Variants in PDPN observed in about 807,000 individuals in gnomAD.
PDPN encodes the protein podoplanin, also known as PA2.26 antigen.
PDPN carries 12 observed loss-of-function variants against 23.2 expected under a neutral mutation model. The ratio of observed to expected loss-of-function variants is 0.52; its 90% confidence interval spans 0.33 to 0.84. The LOEUF is 0.84. Among genes scored for constraint, PDPN ranks in the 40% least tolerant of loss-of-function variants. PDPN has a pLI of 0.02. For missense variants in PDPN, 199 were observed against 212.2 expected (o/e 0.94, Z 0.39); for synonymous variants, 77 against 76.7 (o/e 1.00, Z -0.02).
chr1:13,601,995 C>CA (rs1640653236), intron 1 of PDPN, among the ~76,000 whole-genome samples: 1 of 102,676 alleles, frequency 9.7e-6, no homozygotes, highest in Non-Finnish European at 1.8e-5. Context: ...GTGGCTCATG[C>CA]CTTTGGGTGG....
In PDPN at chr1:13,585,403, C is replaced by T. The variant is rs1476389128; in HGVS notation, c.67+1303C>T. On this transcript the variant is annotated intron_variant, in intron 1 of 5. Coordinates refer to ENST00000621990, the MANE Select transcript of PDPN (RefSeq NM_006474.5). The stretch of plus-strand genomic sequence containing the variant: ...CGTGGGTTATTCGTAGCAGTCCTAT[C>T]TTTGGAACTTCTCTTTCCACTGGAA... 5.8e-6 allele frequency: 6 copies of T among 1,027,978 alleles called. No homozygotes were observed. In the South Asian group the frequency reaches 8.1e-5, roughly 14 times the overall value. The allele number at this position is 1,027,978 out of a possible 1,614,324, so 63.7% of individuals were successfully genotyped here.
rs376686344 is a variant in PDPN at position 13,591,597 on chromosome 1, A to T, written c.67+7497A>T. Among the ~76,000 whole-genome samples the T allele has an allele frequency of 1.1e-4, 16 of 152,308 alleles. No individual in the cohort carries two copies. The South Asian group carries it at 3.1e-3, about 30-fold the overall frequency. On this transcript the variant is annotated intron_variant, in intron 1 of 5. Coordinates refer to ENST00000621990, the MANE Select transcript of PDPN (RefSeq NM_006474.5). ...TATTCTGGATATTTCTTATCACTGG[A>T]ATCACACAATATGTGGCCTTTTGTG...
chr1:13,609,004 A>G (rs987795006), intron 2 of PDPN, among the ~76,000 whole-genome samples: 2 of 152,208 alleles, frequency 1.3e-5, no homozygotes, highest in African/African-American at 4.8e-5. Context: ...CCCTTAGGTC[A>G]GCAAACTACC....
At chr1:13,602,763 C>G (rs1242119606) in intron 1 of PDPN, among the ~76,000 whole-genome samples, 3 of 151,808 alleles carry the variant, frequency 2.0e-5, no homozygotes, top group Admixed American at 1.3e-4. Context: ...GAGACGGGGT[C>G]TCACCATGTT....
At chr1:13,599,827 A>C (rs747847829) in intron 1 of PDPN, among the ~76,000 whole-genome samples, 4 of 152,142 alleles carry the variant, frequency 2.6e-5, no homozygotes, top group Non-Finnish European at 4.4e-5. Flanking sequence ...TGTGGAAGGA[A>C]TATAAATGCT....
intron 1 of PDPN, among the ~76,000 whole-genome samples, chr1:13,595,658 GCA>G (rs1640475296): frequency 6.6e-6 from 1 of 152,196 alleles, no homozygotes; most frequent in Non-Finnish European, 1.5e-5. Flanking sequence ...AGTGCCGTTA[GCA>G]CACAGTCAGG....
intron 1 of PDPN, among the ~76,000 whole-genome samples, chr1:13,594,832 A>C (rs74876143): frequency 2.5e-4 from 36 of 145,164 alleles, no homozygotes; most frequent in Middle Eastern, 3.6e-3. Flanking sequence ...TAAAAATACA[A>C]AAAAAAAAAA....
At chr1:13,588,372 G>T (rs1035920069) in intron 1 of PDPN, among the ~76,000 whole-genome samples, 5 of 151,790 alleles carry the variant, frequency 3.3e-5, no homozygotes, top group Non-Finnish European at 7.4e-5. Context: ...ATGAGAACAG[G>T]GCACTTCCCA....
At chr1:13,611,095 C>T (rs1268695938) in intron 3 of PDPN, among the ~76,000 whole-genome samples, 1 of 152,052 alleles carries the variant, frequency 6.6e-6, no homozygotes, top group Non-Finnish European at 1.5e-5. Flanking sequence ...GTGGCGGGCG[C>T]CTGTAGTCCC....
rs34176163 is a variant in PDPN at position 13,592,543 on chromosome 1, A to ATT, written c.67+8465_67+8466dup. The stretch of plus-strand genomic sequence containing the variant: ...CAAGGTACCATTTGTTGAAAAGATG[A>ATT]TTTTTTTTTTTTTTTTTTTTTTTGA... On this transcript the variant is annotated intron_variant, in intron 1 of 5. Coordinates refer to ENST00000621990, the MANE Select transcript of PDPN (RefSeq NM_006474.5). Among the ~76,000 whole-genome samples the ATT allele has an allele frequency of 4.7e-3, 493 of 104,986 alleles. 5 individuals carry two copies. The highest frequency in any genetic ancestry group is 0.011 in the African/African-American group (295 of 26,852). 68.9% of individuals were successfully genotyped at this position (104,986 alleles called of 152,430 possible).
intron 1 of PDPN, chr1:13,585,753 G>C (rs921693028): frequency 1.3e-6 from 1 of 783,456 alleles, no homozygotes; most frequent in African/African-American, 1.8e-5. Flanking sequence ...GTGCTGAGTT[G>C]CCTGGCTGCC....
In PDPN at chr1:13,595,753, T is replaced by C. The variant is rs551516581; in HGVS notation, c.68-11420T>C. On this transcript the variant is annotated intron_variant, in intron 1 of 5. Transcript: ENST00000621990. ...GGGCATGGCGCTGCTCACACGAAAT[T>C]GAACGGCAGGGCAGCCAAGTTCCCC... 45 of 654,830 alleles carry C rather than the reference T, an allele frequency of 6.9e-5. No individual in the cohort carries two copies. In the African/African-American group the frequency reaches 8.2e-4, roughly 12 times the overall value. 40.6% of individuals were successfully genotyped at this position (654,830 alleles called of 1,614,324 possible). A position where few individuals can be genotyped will look rare whatever the true frequency, so the allele number is the denominator to read the frequency against.
At chr1:13,614,184 A>G (rs1238114895) in intron 4 of PDPN, 116 bp from the exon 5 acceptor site, 1 of 630,998 alleles carries the variant, frequency 1.6e-6, no homozygotes, top group Middle Eastern at 4.1e-4. Context: ...CTCAAACAAC[A>G]TAGAGCAATA....
At chr1:13,604,576 G>T (rs950051958) in intron 1 of PDPN, among the ~76,000 whole-genome samples, 1 of 151,702 alleles carries the variant, frequency 6.6e-6, no homozygotes, top group Non-Finnish European at 1.5e-5. Context: ...TTCTATGAAA[G>T]AATTCAATCT....
chr1:13,586,713 A>C (rs1270218772), intron 1 of PDPN, among the ~76,000 whole-genome samples: 4 of 151,684 alleles, frequency 2.6e-5, no homozygotes, highest in Non-Finnish European at 5.9e-5. Context: ...GGTTTGAAAA[A>C]TATGTCTAAC....
intron 2 of PDPN, among the ~76,000 whole-genome samples, chr1:13,609,071 A>G (rs1232966844): frequency 6.6e-6 from 1 of 152,190 alleles, no homozygotes; most frequent in Non-Finnish European, 1.5e-5. Flanking sequence ...GAACACAGCA[A>G]TGCCCATTCA....
In PDPN at chr1:13,584,079, CT is replaced by C. The variant is rs1640110710; in HGVS notation, c.47del (p.Leu16ProfsTer36). 2 of 1,613,126 alleles carry C rather than the reference CT, an allele frequency of 1.2e-6. No individual in the cohort carries two copies. The highest frequency in any genetic ancestry group is 8.5e-7 in the Non-Finnish European group (1 of 1,180,006). ...GCTCTTCGTTTTGGGAAGCGCGTCG[CT>C]CTGGGTCCTGGCAGAAGGAGGTAAG... ...ALLFVLGSASLWVLAEGASTG... is the reference protein window; with the variant it reads ...ALLFVLGSASXWVLAEGASTG... On this transcript the variant is annotated frameshift_variant, in exon 1 of 6. Transcript: ENST00000621990. LOFTEE classifies it high-confidence loss of function.
intron 1 of PDPN, among the ~76,000 whole-genome samples, chr1:13,588,073 A>G (rs1266405050): frequency 6.6e-6 from 1 of 152,128 alleles, no homozygotes; most frequent in African/African-American, 2.4e-5. Context: ...TAGTTTTTTG[A>G]GGAGCTGAAA....
chr1:13,596,084 A>G, intron 1 of PDPN: 1 of 332,876 alleles, frequency 3.0e-6, no homozygotes, highest in South Asian at 2.4e-5. Flanking sequence ...CTGTAATCCC[A>G]GCTACTTGAG....
Sources: allele counts gnomAD v4.1 joint callset (sites outside exome capture counted in the v4.1 genomes callset), GRCh38; gene constraint gnomAD v4.1.1; transcripts MANE v1.5; gene names NCBI Gene and HGNC (gene_info 2026-07-23, HGNC 2026-07-21).